GREB1L: variants seen among roughly 807,000 people sequenced by gnomAD.
GREB1L encodes GREB1-like protein.
GREB1L carries 17 observed loss-of-function variants against 200.8 expected under a neutral mutation model. That is an observed-to-expected ratio of 0.08 (90% CI 0.06 to 0.13). The LOEUF (loss-of-function observed/expected upper bound fraction) is 0.13. Among genes scored for constraint, GREB1L ranks in the 10% least tolerant of loss-of-function variants. The pLI is 1.00. For missense variants in GREB1L, 1,657 were observed against 2,367.7 expected, an observed-to-expected ratio of 0.70 and a Z score of 6.23; for synonymous variants, 789 against 893.0, an observed-to-expected ratio of 0.88 and a Z score of 2.08.
At chr18:21,332,836 T>G (rs1161960366) in intron 1 of GREB1L, among the ~76,000 whole-genome samples, 1 of 152,014 alleles carries the variant, frequency 6.6e-6, no homozygotes, top group Non-Finnish European at 1.5e-5. Context: ...ATCCCAGCAC[T>G]TTGGAAGGCT....
chr18:21,493,963 A>G (rs555167629), intron 19 of GREB1L, among the ~76,000 whole-genome samples: 4 of 151,366 alleles, frequency 2.6e-5, no homozygotes, highest in East Asian at 1.9e-4. Flanking sequence ...TGGTAAAGCT[A>G]TGACCTCTAT....
chr18:21,479,322 A>G (rs1409615201), intron 17 of GREB1L, among the ~76,000 whole-genome samples: 1 of 152,230 alleles, frequency 6.6e-6, no homozygotes, highest in Admixed American at 6.5e-5. Context: ...AAGGACCAAT[A>G]GCCTCTGCCC....
intron 5 of GREB1L, among the ~76,000 whole-genome samples, chr18:21,396,809 T>A (rs1373837216): frequency 6.6e-6 from 1 of 152,214 alleles, no homozygotes; most frequent in Non-Finnish European, 1.5e-5. Context: ...AATAACAGAC[T>A]TGATTTATTT....
chr18:21,368,752 C>T (rs1175765749), intron 2 of GREB1L, among the ~76,000 whole-genome samples: 1 of 152,106 alleles, frequency 6.6e-6, no homozygotes, highest in African/African-American at 2.4e-5. Context: ...TTCTGTTTTA[C>T]TGTAATTACT....
intron 19 of GREB1L, among the ~76,000 whole-genome samples, chr18:21,492,278 G>A (rs763736643): frequency 6.6e-6 from 1 of 151,898 alleles, no homozygotes; most frequent in Non-Finnish European, 1.5e-5. Flanking sequence ...CCCGGGAGGC[G>A]GAGCTTGTAG....
intron 31 of GREB1L, among the ~76,000 whole-genome samples, chr18:21,518,805 T>C (rs546438071): frequency 6.6e-6 from 1 of 152,210 alleles, no homozygotes; most frequent in Admixed American, 6.5e-5. Context: ...TAGTTTTTTT[T>C]AAACTGCCAC....
intron 5 of GREB1L, among the ~76,000 whole-genome samples, chr18:21,397,813 T>C (rs1366513131): frequency 6.6e-6 from 1 of 152,208 alleles, no homozygotes; most frequent in Non-Finnish European, 1.5e-5. Context: ...AAGATCCAAC[T>C]ACTCGTTTTT....
At chr18:21,431,377 T>C (rs2033141124) in intron 7 of GREB1L, among the ~76,000 whole-genome samples, 1 of 152,238 alleles carries the variant, frequency 6.6e-6, no homozygotes, top group Non-Finnish European at 1.5e-5. Flanking sequence ...ATGTCTTTGA[T>C]CCATTGGTTA....
chr18:21,328,063 C>T (rs1332153258), intron 1 of GREB1L, among the ~76,000 whole-genome samples: 1 of 152,138 alleles, frequency 6.6e-6, no homozygotes, highest in African/African-American at 2.4e-5. Flanking sequence ...AACTTCAGGA[C>T]CCACATAAAG....
At chr18:21,284,566 C>T (rs905415490) in intron 1 of GREB1L, among the ~76,000 whole-genome samples, 2 of 152,154 alleles carry the variant, frequency 1.3e-5, no homozygotes, top group Non-Finnish European at 2.9e-5. Flanking sequence ...TATTCTTCAT[C>T]AGTTGATAGA....
chr18:21,278,389 AAAATAAATAAATAAATAAAT>A (rs67061918), intron 1 of GREB1L, among the ~76,000 whole-genome samples: 15 of 125,620 alleles, frequency 1.2e-4, no homozygotes, highest in Admixed American at 8.2e-4. Flanking sequence ...TCAAAAAAAA[AAAATAAATAAATAAATAAAT>A]AAATAAATAA....
At chr18:21,267,952 A>G (rs1204888279) in intron 1 of GREB1L, among the ~76,000 whole-genome samples, 1 of 152,126 alleles carries the variant, frequency 6.6e-6, no homozygotes, top group African/African-American at 2.4e-5. Context: ...TAGAATGGTG[A>G]AGTGAGGAGA....
rs2037671206 is a variant in GREB1L at position 21,525,553 on chromosome 18, A to AAACAT, written c.*2734_*2738dup. The AAACAT allele has an allele frequency of 6.6e-6, 1 of 152,128 alleles. No individual in the cohort carries two copies. The highest frequency in any genetic ancestry group is 2.1e-4 in the South Asian group (1 of 4,834). The allele number at this position is 152,128 out of a possible 1,614,324, so 9.4% of individuals were successfully genotyped here. On this transcript the variant is annotated 3_prime_UTR_variant, in exon 33 of 33. Coordinates refer to ENST00000424526, the MANE Select transcript of GREB1L (RefSeq NM_001142966.3). ...ACAACCAAGATTAAAGAGGTGTTGA[A>AAACAT]AACATACATAGTAGATACCAATCTT...
At chr18:21,412,495 A>G (rs2031170971) in intron 7 of GREB1L, among the ~76,000 whole-genome samples, 1 of 152,218 alleles carries the variant, frequency 6.6e-6, no homozygotes, top group Non-Finnish European at 1.5e-5. Context: ...CTAGCACTAT[A>G]AAGGAATCTT....
At chr18:21,383,439 C>T (rs1233046126) in intron 2 of GREB1L, 71 bp from the exon 3 acceptor site, 66 of 1,150,264 alleles carry the variant, frequency 5.7e-5, no homozygotes, top group Non-Finnish European at 7.7e-5. Context: ...TTAGCTCTAC[C>T]TGTACTTTGA....
At chr18:21,504,531 G>C (rs1442342393) in intron 23 of GREB1L, among the ~76,000 whole-genome samples, 1 of 152,118 alleles carries the variant, frequency 6.6e-6, no homozygotes, top group African/African-American at 2.4e-5. Flanking sequence ...GTGAGACCCT[G>C]TCTCCAAAAA....
intron 7 of GREB1L, among the ~76,000 whole-genome samples, chr18:21,423,913 A>G (rs1208361844): frequency 6.6e-6 from 1 of 152,142 alleles, no homozygotes; most frequent in African/African-American, 2.4e-5. Context: ...TACATCCCTT[A>G]TTAATTTAGG....
At chr18:21,479,278 T>A (rs1322429842) in intron 17 of GREB1L, among the ~76,000 whole-genome samples, 3 of 152,188 alleles carry the variant, frequency 2.0e-5, no homozygotes, top group Non-Finnish European at 2.9e-5. Context: ...AATTCAGTCT[T>A]TTCCGAAAGG....
chr18:21,502,801 G>A lies in GREB1L; in HGVS notation c.4072+2159G>A, dbSNP rs11876506. 2.0e-3 allele frequency among the ~76,000 whole-genome samples: 303 copies of A among 152,290 alleles called. 1 individual carries two copies. The highest frequency in any genetic ancestry group is 6.4e-3 in the African/African-American group (268 of 41,560). On this transcript the variant is annotated intron_variant, in intron 23 of 32. Coordinates refer to ENST00000424526, the MANE Select transcript of GREB1L (RefSeq NM_001142966.3). ...GGCCTGCCCTTCTGCCAGCTCTCCC[G>A]CCAGGCTCGCTGGCACCACAGCAGA... is the stretch of plus-strand genomic sequence containing the variant.
Sources: gnomAD v4.1 joint callset for allele counts (sites outside exome capture counted in the v4.1 genomes callset) on GRCh38, gnomAD v4.1.1 for gene constraint, MANE v1.5 for transcripts, NCBI Gene and HGNC (gene_info 2026-07-23, HGNC 2026-07-21) for gene names.